PSIP1: variants seen among roughly 807,000 people sequenced by gnomAD.
The protein encoded by PSIP1 is PC4 and SRSF1 interacting protein 1, also known as PC4 and SFRS1-interacting protein.
A neutral mutation model predicts 74.7 loss-of-function variants in PSIP1; 19 were observed. The ratio of observed to expected loss-of-function variants is 0.25; its 90% CI spans 0.18 to 0.37. PSIP1 has a LOEUF of 0.37. Ranked by LOEUF, PSIP1 falls within the 10% of genes least tolerant of loss-of-function variation. The probability of loss-of-function intolerance (pLI) is 1.00; values close to 1 mark genes in which losing one functional copy is unlikely to be tolerated. For synonymous variants in PSIP1, 222 were observed against 195.3 expected, an observed-to-expected ratio of 1.14 and a Z score of -1.14; for missense variants, 601 against 614.3, an observed-to-expected ratio of 0.98 and a Z score of 0.23.
intron 2 of PSIP1, 99 bp from the exon 3 acceptor site, chr9:15,506,736 T>TA: frequency 1.1e-6 from 1 of 922,348 alleles, no homozygotes; most frequent in Non-Finnish European, 1.6e-6. Context: ...GGTTCTGTTA[T>TA]AAAATGGGCC....
At chr9:15,468,535 T>C in intron 14 of PSIP1, 95 bp downstream of exon 14, 1 of 1,333,284 alleles carries the variant, frequency 7.5e-7, no homozygotes, top group Non-Finnish European at 1.1e-6. Flanking sequence ...CTGTGGCGTA[T>C]ACACAGTGAA....
chr9:15,466,798 C>A lies in PSIP1; in HGVS notation c.1482G>T (p.Gly494=), dbSNP rs149082161. 2.0e-5 allele frequency: 33 copies of A among 1,613,330 alleles called. No individual in the cohort carries two copies. The highest frequency in any genetic ancestry group is 2.8e-5 in the Non-Finnish European group (33 of 1,179,780). The change falls in exon 15 of 16, where the codon GGG becomes GGT. Residue 494 remains glycine, a synonymous_variant. Transcript: ENST00000380733. ...AQDGNQPQHN[G]ESNEDSKDNH... is the part of the protein sequence containing the mutation. The stretch of plus-strand genomic sequence containing the variant: ...TGTCTTTGCTGTCTTCATTGCTCTC[C>A]CCGTTATGTTGTGGCTGATTACCAT...
At chr9:15,475,729 GC>G (rs1333702105) in intron 8 of PSIP1, among the ~76,000 whole-genome samples, 12 of 152,124 alleles carry the variant, frequency 7.9e-5, no homozygotes, top group Non-Finnish European at 1.8e-4. Context: ...TAATCTTTGT[GC>G]CAAAACAATT....
In PSIP1 at chr9:15,479,801, C is replaced by T. The variant is rs561991062; in HGVS notation, c.457-114G>A. 9.5e-6 allele frequency: 6 copies of T among 629,048 alleles called. No homozygotes were observed. The Middle Eastern group carries it at 1.1e-3, about 119-fold the overall frequency. 39.0% of individuals were successfully genotyped at this position (629,048 alleles called of 1,614,324 possible). A position where few individuals can be genotyped will look rare whatever the true frequency, so the allele number is the denominator to read the frequency against. ...ACGTTGAGTTCAAGTATAGATATAA[C>T]CTCTATATGATCTTTTGTTTTTTCA... On this transcript the variant is annotated intron_variant, in intron 6 of 15. Coordinates refer to ENST00000380733, the MANE Select transcript of PSIP1 (RefSeq NM_033222.5).
At chr9:15,490,441 G>A (rs115402524) in intron 3 of PSIP1, among the ~76,000 whole-genome samples, 6,580 of 152,086 alleles carry the variant, frequency 0.043, 474 homozygotes, top group African/African-American at 0.15. Context: ...TCACCACTTT[G>A]GGAAGCTGAG....
chr9:15,485,853 G>A (rs1457973512), intron 6 of PSIP1, 153 bp downstream of exon 6: 12 of 602,818 alleles, frequency 2.0e-5, no homozygotes, highest in Non-Finnish European at 2.8e-5. Context: ...AAGAAACACA[G>A]ATAGTTTTGC....
Position 15,465,458 on chromosome 9 carries a change from C to T in PSIP1, c.*62G>A. ...ATAAAAATTTAAAACTTTCAGCAGTCTATTTCAAATGAAAACCATTACAAA... is the reference window on the plus strand; with the variant it reads ...ATAAAAATTTAAAACTTTCAGCAGTTTATTTCAAATGAAAACCATTACAAA... On this transcript the variant is annotated 3_prime_UTR_variant, in exon 16 of 16. Coordinates refer to ENST00000380733, the MANE Select transcript of PSIP1 (RefSeq NM_033222.5). 1 of 1,379,088 alleles carries T rather than the reference C, an allele frequency of 7.3e-7. No homozygotes were observed. The highest frequency in any genetic ancestry group is 1.0e-6 in the Non-Finnish European group (1 of 993,160). 85.4% of individuals were successfully genotyped at this position (1,379,088 alleles called of 1,614,324 possible).
intron 15 of PSIP1, 36 bp downstream of exon 15, chr9:15,466,712 A>G: frequency 4.6e-6 from 7 of 1,508,070 alleles, no homozygotes; most frequent in Non-Finnish European, 6.3e-6. Context: ...CTGAATAATA[A>G]AAAACACACA....
chr9:15,497,229 G>A (rs1315033909), intron 3 of PSIP1, among the ~76,000 whole-genome samples: 1 of 151,304 alleles, frequency 6.6e-6, no homozygotes, highest in Non-Finnish European at 1.5e-5. Context: ...GAGTAGTAAT[G>A]TACTATCACA....
At chr9:15,496,153 T>G (rs933152627) in intron 3 of PSIP1, among the ~76,000 whole-genome samples, 1 of 152,212 alleles carries the variant, frequency 6.6e-6, no homozygotes, top group African/African-American at 2.4e-5. Context: ...AATTTGTAGG[T>G]TGAAAGACTA....
chr9:15,478,632 GATAC>G (rs2132081174), intron 7 of PSIP1, 80 bp from the exon 8 acceptor site: 1 of 962,076 alleles, frequency 1.0e-6, no homozygotes, highest in Non-Finnish European at 1.7e-6. Flanking sequence ...TATTAGAAAT[GATAC>G]ATACTATTTA....
chr9:15,501,945 G>A (rs574852622), intron 3 of PSIP1, among the ~76,000 whole-genome samples: 14 of 151,588 alleles, frequency 9.2e-5, no homozygotes, highest in Non-Finnish European at 1.9e-4. Flanking sequence ...TCCGTGGCCT[G>A]TTAGGAACCA....
intron 9 of PSIP1, 56 bp from the exon 10 acceptor site, chr9:15,472,806 A>G: frequency 6.9e-7 from 1 of 1,450,054 alleles, no homozygotes; most frequent in South Asian, 1.3e-5. Context: ...ACTAGTGCTT[A>G]TGGAATTATA....
intron 2 of PSIP1, among the ~76,000 whole-genome samples, chr9:15,508,837 A>T (rs1205655990): frequency 6.6e-6 from 1 of 152,250 alleles, no homozygotes; most frequent in Non-Finnish European, 1.5e-5. Flanking sequence ...AAGCATACAC[A>T]GAGTTAAGAA....
intron 6 of PSIP1, among the ~76,000 whole-genome samples, chr9:15,485,607 TAACAAC>T (rs139294153): frequency 6.6e-6 from 1 of 152,134 alleles, no homozygotes; most frequent in Admixed American, 6.5e-5. Flanking sequence ...CAACGTGAAG[TAACAAC>T]AACAACAACA....
intron 2 of PSIP1, among the ~76,000 whole-genome samples, chr9:15,507,786 T>C (rs1305350283): frequency 6.6e-6 from 1 of 152,192 alleles, no homozygotes. Flanking sequence ...CTGTAAGCAT[T>C]ATGGTGTTGC....
At chr9:15,499,192 T>C (rs1363671457) in intron 3 of PSIP1, among the ~76,000 whole-genome samples, 1 of 152,194 alleles carries the variant, frequency 6.6e-6, no homozygotes, top group South Asian at 2.1e-4. Flanking sequence ...TTTTGGACTT[T>C]CCTTTAACCA....
intron 10 of PSIP1, 150 bp from the exon 11 acceptor site, chr9:15,470,143 G>T: frequency 1.6e-6 from 1 of 617,442 alleles, no homozygotes; most frequent in Non-Finnish European, 2.8e-6. Context: ...GAATGGTGCA[G>T]TTCCGTAGCA....
chr9:15,466,778 T>C lies in PSIP1; in HGVS notation c.1502A>G (p.Lys501Arg). ...QHNGESNEDSKDNHEASTKKK... is the reference protein window; with the variant it reads ...QHNGESNEDSRDNHEASTKKK... ...CTTCGTGCTGGCTTCATGGTTGTCT[T>C]TGCTGTCTTCATTGCTCTCCCCGTT... is the stretch of plus-strand genomic sequence containing the variant. The change falls in exon 15 of 16, where the codon AAA becomes AGA. Residue 501 changes from lysine (K) to arginine (R), a missense_variant. Coordinates refer to ENST00000380733, the MANE Select transcript of PSIP1 (RefSeq NM_033222.5). The C allele has an allele frequency of 6.2e-7, 1 of 1,613,248 alleles. No individual in the cohort carries two copies. Among genetic ancestry groups the C allele is most frequent in the Non-Finnish European group, 8.5e-7 (1 of 1,179,672 alleles).
Sources: gnomAD v4.1 joint callset for allele counts (sites outside exome capture counted in the v4.1 genomes callset) on GRCh38, gnomAD v4.1.1 for gene constraint, MANE v1.5 for transcripts, NCBI Gene and HGNC (gene_info 2026-07-23, HGNC 2026-07-21) for gene names.